The following SMG1 variants were observed in gnomAD, a reference collection of about 807,000 sequenced individuals.
SMG1 encodes SMG1 nonsense mediated mRNA decay associated PI3K related kinase, also known as serine/threonine-protein kinase SMG1.
Under a neutral mutation model 419.9 loss-of-function variants are expected in SMG1, and 22 were observed. That is an observed-to-expected ratio of 0.05 (90% confidence interval 0.04 to 0.07). The LOEUF (loss-of-function observed/expected upper bound fraction) is 0.07, where lower values mean the gene tolerates loss of function less well. Among genes scored for constraint, SMG1 ranks in the 10% least tolerant of loss-of-function variants. The pLI is 1.00. For missense variants in SMG1, 3,185 were observed against 4,342.0 expected, an observed-to-expected ratio of 0.73 and a Z score of 7.49; for synonymous variants, 1,538 against 1,553.5, an observed-to-expected ratio of 0.99 and a Z score of 0.23.
intron 33 of SMG1, 51 bp from the exon 34 acceptor site, chr16:18,850,518 GA>G: frequency 3.9e-6 from 5 of 1,280,438 alleles, no homozygotes; most frequent in Non-Finnish European, 4.4e-6. Flanking sequence ...ACTGAAAAGG[GA>G]AAAAGGTATG....
At chr16:18,820,069 G>A (rs1035353328) in intron 55 of SMG1, among the ~76,000 whole-genome samples, 3 of 152,060 alleles carry the variant, frequency 2.0e-5, no homozygotes, top group Admixed American at 6.6e-5. Context: ...GGGTTCAAGC[G>A]ATTCTCCTGC....
In SMG1 at chr16:18,833,078, T is replaced by C. The variant is rs2033316674; in HGVS notation, c.8654A>G (p.His2885Arg). Residue 2885 changes from histidine (H) to arginine (R), a missense_variant, in exon 51 of 63, where the codon CAT (histidine) becomes CGT (arginine). Transcript: ENST00000446231. ...CTGCTCAATAAGACCGTCCAGTTCA[T>C]GCAGCATACTTTCTAACGTGTATTC... ...KGEYTLESML[H>R]ELDGLIEQTT... 3.1e-6 allele frequency: 5 copies of C among 1,613,926 alleles called. No homozygotes were observed. Among genetic ancestry groups the C allele is most frequent in the South Asian group, 1.1e-5 (1 of 91,092 alleles).
chr16:18,861,166 C>T (rs1596540228), intron 25 of SMG1: 1 of 79,356 alleles, frequency 1.3e-5, no homozygotes, highest in African/African-American at 4.8e-5. Context: ...AGCCTCACTC[C>T]TCACCTACAG....
chr16:18,873,749 G>A (rs768185768), intron 13 of SMG1, among the ~76,000 whole-genome samples: 4 of 151,960 alleles, frequency 2.6e-5, no homozygotes, highest in South Asian at 2.1e-4. Context: ...TACTGCAAAT[G>A]GCAAGGTGCC....
intron 55 of SMG1, among the ~76,000 whole-genome samples, chr16:18,827,472 T>TTA (rs1340154395): frequency 6.9e-6 from 1 of 145,296 alleles, no homozygotes; most frequent in African/African-American, 2.6e-5. Flanking sequence ...ATATATATTT[T>TTA]TATATATATT....
At chr16:18,869,342 C>T (rs1293368460) in intron 19 of SMG1, 39 bp from the exon 20 acceptor site, 3 of 1,496,574 alleles carry the variant, frequency 2.0e-6, no homozygotes, top group Non-Finnish European at 2.7e-6. Context: ...ACAATGACAA[C>T]TTCATTTTAA....
chr16:18,900,817 G>C (rs2037315979), intron 1 of SMG1, among the ~76,000 whole-genome samples: 1 of 152,138 alleles, frequency 6.6e-6, no homozygotes, highest in Non-Finnish European at 1.5e-5. Flanking sequence ...CATACTAATG[G>C]TTAATACCAC....
At chr16:18,869,729 T>A (rs950847597) in intron 19 of SMG1, 125 bp downstream of exon 19, 3 of 769,174 alleles carry the variant, frequency 3.9e-6, no homozygotes, top group South Asian at 1.7e-5. Flanking sequence ...AAATAACCCA[T>A]ATGAGAAGAA....
chr16:18,910,906 A>G (rs2037767674), intron 1 of SMG1, among the ~76,000 whole-genome samples: 2 of 152,098 alleles, frequency 1.3e-5, no homozygotes, highest in African/African-American at 4.8e-5. Context: ...TCATCGTTCA[A>G]CTGGTGTTCT....
chr16:18,890,863 C>G lies in SMG1; in HGVS notation c.608G>C (p.Ser203Thr), dbSNP rs777749727. The change falls in exon 5 of 63, where the codon AGT becomes ACT. Residue 203 changes from serine (S) to threonine (T), a missense_variant and splice_region_variant. By Grantham distance (58) the Ser-to-Thr change is moderately conservative. This residue lies in a region of SMG1 where 20 missense variants were observed against 54.7 expected (regional missense o/e 0.37). Transcript: ENST00000446231. Reference sequence around the variant, plus strand: ...AACTGAACCATTATTAGTTACTTACCTTTCATTAAGCACGTCATGTACAGC... The same window carrying G: ...AACTGAACCATTATTAGTTACTTACGTTTCATTAAGCACGTCATGTACAGC... The part of the protein sequence containing the change: ...LAAVHDVLNE[S>T]SKLLQELRQE... 2.6e-6 allele frequency: 4 copies of G among 1,560,358 alleles called. No individual in the cohort carries two copies. Among genetic ancestry groups the G allele is most frequent in the Middle Eastern group, 2.3e-4 (1 of 4,298 alleles).
intron 50 of SMG1, 50 bp downstream of exon 50, chr16:18,834,154 A>G (rs1487645243): frequency 1.3e-5 from 17 of 1,319,210 alleles, no homozygotes; most frequent in Non-Finnish European, 1.6e-5. Flanking sequence ...GATGAGAAAG[A>G]CAATATTCAG....
At chr16:18,882,588 G>A (rs1199215360) in intron 9 of SMG1, among the ~76,000 whole-genome samples, 1 of 152,116 alleles carries the variant, frequency 6.6e-6, no homozygotes, top group Admixed American at 6.6e-5. Context: ...AACTCAGAAA[G>A]CTGTTAGGGA....
chr16:18,889,090 C>T (rs1315262512), intron 6 of SMG1, among the ~76,000 whole-genome samples: 1 of 152,140 alleles, frequency 6.6e-6, no homozygotes, highest in Non-Finnish European at 1.5e-5. Flanking sequence ...TCCCAAAGTG[C>T]TGGGATTACA....
chr16:18,811,591 T>C (rs556953534), intron 62 of SMG1, among the ~76,000 whole-genome samples, 170 bp downstream of exon 62: 2 of 152,284 alleles, frequency 1.3e-5, no homozygotes, highest in East Asian at 3.9e-4. Context: ...CAGAGTAAAA[T>C]GGTGACTACT....
Position 18,854,082 on chromosome 16 carries a change from CTTTTTTTT to C in SMG1, c.4484-223_4484-216del, listed in dbSNP as rs11448105. Among the ~76,000 whole-genome samples, 37 of 84,012 alleles carry C rather than the reference CTTTTTTTT, an allele frequency of 4.4e-4. No individual in the cohort carries two copies. In the Admixed American group the frequency reaches 5.2e-3, roughly 12 times the overall value. 55.1% of individuals were successfully genotyped at this position (84,012 alleles called of 152,430 possible). A position where few individuals can be genotyped will look rare whatever the true frequency, so the allele number is the denominator to read the frequency against. ...CACTATGCCTAGCCAAAATACTAAACTTTTTTTTTTTTTTTTTTTTTTGAGGCAGGGTT... is the reference window on the plus strand; with the variant it reads ...CACTATGCCTAGCCAAAATACTAAACTTTTTTTTTTTTTTGAGGCAGGGTT... On this transcript the variant is annotated intron_variant, in intron 30 of 62. Coordinates refer to ENST00000446231, the MANE Select transcript of SMG1 (RefSeq NM_015092.5).
rs1484402145 is a variant in SMG1, at chr16:18,850,446, T to C, written c.5074A>G (p.Ile1692Val). 31 of 1,612,908 alleles carry C rather than the reference T, an allele frequency of 1.9e-5. No homozygotes were observed. The highest frequency in any genetic ancestry group is 2.6e-5 in the Non-Finnish European group (31 of 1,179,374). ...TCTTCGTTGTCTTCACTCTCAGTTA[T>C]CTGAAGTGTTATATCTTCATCCTGA... ...GIQDEDITLQ[I>V]TESEDNEEDD... The change falls in exon 34 of 63, where the codon ATA (isoleucine) becomes GTA (valine). Residue 1692 changes from isoleucine to valine, a missense_variant. Physicochemically the swap from Ile to Val is conservative, Grantham distance 29. Around this residue, in one of 27 missense-constraint regions of SMG1, gnomAD observed 493 missense variants for 552.9 expected, o/e 0.89. Coordinates refer to ENST00000446231, the MANE Select transcript of SMG1 (RefSeq NM_015092.5).
chr16:18,852,460 G>A lies in SMG1; in HGVS notation c.4771C>T (p.His1591Tyr). ...YPRIESESTVHIGVGEPDFIL... is the reference protein window; with the variant it reads ...YPRIESESTVYIGVGEPDFIL... ...AAGTCAGGTTCTCCAACTCCAATAT[G>A]CACTGCCAAAATGGACAAAAAAATA... The change falls in exon 32 of 63, where the codon CAT becomes TAT. Residue 1591 changes from histidine (H) to tyrosine (Y), a missense_variant and splice_region_variant. This residue lies in a region of SMG1 where 493 missense variants were observed against 552.9 expected (regional missense o/e 0.89). Transcript: ENST00000446231. 1 of 1,553,602 alleles carries A rather than the reference G, an allele frequency of 6.4e-7. No homozygotes were observed.
intron 55 of SMG1, among the ~76,000 whole-genome samples, chr16:18,827,390 C>A (rs939739307): frequency 6.7e-6 from 1 of 149,678 alleles, no homozygotes; most frequent in Admixed American, 6.7e-5. Flanking sequence ...AGTGCCACTG[C>A]ACTCCAACCT....
chr16:18,872,910 T>C (rs2035902074), intron 13 of SMG1, among the ~76,000 whole-genome samples: 1 of 151,888 alleles, frequency 6.6e-6, no homozygotes, highest in African/African-American at 2.4e-5. Context: ...TCCTAGCACT[T>C]TGGGAGGGTA....
Sources: gnomAD v4.1 joint callset for allele counts (sites outside exome capture counted in the v4.1 genomes callset) on GRCh38, gnomAD v4.1.1 for gene constraint, gnomAD v4.1.1 regional missense constraint, MANE v1.5 for transcripts, NCBI Gene and HGNC (gene_info 2026-07-23, HGNC 2026-07-21) for gene names.